The following MAN1C1 variants were observed in gnomAD, a reference collection of about 807,000 sequenced individuals.
MAN1C1 encodes the protein mannosyl-oligosaccharide 1,2-alpha-mannosidase IC.
MAN1C1 carries 49 observed loss-of-function variants against 71.5 expected under a neutral mutation model. The ratio of observed to expected loss-of-function variants is 0.69; its 90% CI spans 0.54 to 0.87. The LOEUF (loss-of-function observed/expected upper bound fraction) is 0.87. Among genes scored for constraint, MAN1C1 ranks in the 40% least tolerant of loss-of-function variants. The pLI is 0.00. For synonymous variants in MAN1C1, 352 were observed against 343.7 expected (o/e 1.02, Z -0.27); for missense variants, 743 against 835.0 (o/e 0.89, Z 1.36).
chr1:25,706,060 C>T (rs2046517246), intron 2 of MAN1C1, among the ~76,000 whole-genome samples: 1 of 152,194 alleles, frequency 6.6e-6, no homozygotes, highest in African/African-American at 2.4e-5. Flanking sequence ...TGTTTGGGGT[C>T]ACACAGCTGG....
rs2124420564 is a variant in MAN1C1 at position 25,782,475 on chromosome 1, G to C, written c.1651-110G>C. ...CAGGAGTCCCCAGCCAAGGGGTGGGGGTGCTGTCTGCTTTCTTCTAGCTCC... is the reference window on the plus strand; with the variant it reads ...CAGGAGTCCCCAGCCAAGGGGTGGGCGTGCTGTCTGCTTTCTTCTAGCTCC... On this transcript the variant is annotated intron_variant, in intron 10 of 11. Transcript: ENST00000374332. This position sits in a 1 kb window ranked among gnomAD's most constrained non-coding sequence, Gnocchi z 4.4. 3.0e-6 allele frequency: 2 copies of C among 673,566 alleles called. No individual in the cohort carries two copies. Among genetic ancestry groups the C allele is most frequent in the East Asian group, 5.5e-5 (2 of 36,696 alleles). 41.7% of individuals were successfully genotyped at this position (673,566 alleles called of 1,614,324 possible).
chr1:25,644,518 A>ATAT (rs61386117), intron 1 of MAN1C1: 18 of 40,298 alleles, frequency 4.5e-4, no homozygotes, highest in Non-Finnish European at 5.7e-4. Context: ...ATATATATAT[A>ATAT]TTTTTTTTTT....
chr1:25,624,548 T>G (rs928750915), intron 1 of MAN1C1, among the ~76,000 whole-genome samples: 6 of 152,230 alleles, frequency 3.9e-5, no homozygotes, highest in Non-Finnish European at 8.8e-5. Context: ...CCAGGGCAAT[T>G]GTCCATCTGT....
chr1:25,621,647 G>A (rs1181413247), intron 1 of MAN1C1, among the ~76,000 whole-genome samples: 5 of 151,504 alleles, frequency 3.3e-5, no homozygotes, highest in East Asian at 1.9e-4. Flanking sequence ...TTTTTAAGAC[G>A]GAGTCTTGCT....
intron 2 of MAN1C1, among the ~76,000 whole-genome samples, chr1:25,740,645 C>T (rs1313741907): frequency 6.6e-6 from 1 of 152,042 alleles, no homozygotes; most frequent in Non-Finnish European, 1.5e-5. Context: ...ACTGTGTTAG[C>T]CAGGATGGTC....
chr1:25,691,623 G>A (rs1249585744), intron 2 of MAN1C1, among the ~76,000 whole-genome samples: 1 of 152,214 alleles, frequency 6.6e-6, no homozygotes, highest in African/African-American at 2.4e-5. Context: ...TTTTGATTGG[G>A]GTGGGCGTCC....
chr1:25,663,072 T>C (rs532996620), intron 1 of MAN1C1, among the ~76,000 whole-genome samples: 15 of 150,426 alleles, frequency 1.0e-4, no homozygotes, highest in African/African-American at 3.6e-4. Context: ...GCCTGGTCAA[T>C]AGAGTGAGAC....
In MAN1C1 at chr1:25,711,482, C is replaced by A. The variant is rs115783729; in HGVS notation, c.637+24946C>A. 6.6e-6 allele frequency among the ~76,000 whole-genome samples: 1 copy of A among 152,196 alleles called. No individual in the cohort carries two copies. Among genetic ancestry groups the A allele is most frequent in the African/African-American group, 2.4e-5 (1 of 41,450 alleles). Reference sequence around the variant, plus strand: ...TCTCCTCAGGCCAAAGCTGGACATGCCTTTCCTGGGTTTGAGATAAATGGA... The same window carrying A: ...TCTCCTCAGGCCAAAGCTGGACATGACTTTCCTGGGTTTGAGATAAATGGA... On this transcript the variant is annotated intron_variant, in intron 2 of 11. Coordinates refer to ENST00000374332, the MANE Select transcript of MAN1C1 (RefSeq NM_020379.4). The surrounding 1 kb of genome is among the most constrained non-coding windows in gnomAD (Gnocchi z 4.3).
chr1:25,682,270 C>T (rs939142059), intron 1 of MAN1C1, among the ~76,000 whole-genome samples: 18 of 152,178 alleles, frequency 1.2e-4, no homozygotes, highest in African/African-American at 3.6e-4. Context: ...GCAAAGCAGG[C>T]AGACACACGT....
At chr1:25,728,864 C>T (rs2046869885) in intron 2 of MAN1C1, among the ~76,000 whole-genome samples, 1 of 152,158 alleles carries the variant, frequency 6.6e-6, no homozygotes, top group African/African-American at 2.4e-5. Context: ...GGATATTACC[C>T]TCAAATAAAG....
At position 25,778,370 on chromosome 1, in the gene MAN1C1, C is replaced by A. The variant is rs749306693; in HGVS notation, c.1477+46C>A. The A allele has an allele frequency of 1.3e-6, 2 of 1,545,798 alleles. No homozygotes were observed. The highest frequency in any genetic ancestry group is 1.8e-6 in the Non-Finnish European group (2 of 1,138,988). On this transcript the variant is annotated intron_variant, in intron 9 of 11. Transcript: ENST00000374332. This position sits in a 1 kb window ranked among gnomAD's most constrained non-coding sequence, Gnocchi z 5.5. ...GGCAGCAGGAGAGACTGAGGCTAGA[C>A]ACCAGGAAGAACTGGAAAGACCGGC...
chr1:25,651,093 A>G (rs891786451), intron 1 of MAN1C1, among the ~76,000 whole-genome samples: 3 of 152,152 alleles, frequency 2.0e-5, no homozygotes, highest in Non-Finnish European at 4.4e-5. Flanking sequence ...AACACTCACA[A>G]TAGGGGCCGC....
intron 1 of MAN1C1, among the ~76,000 whole-genome samples, chr1:25,629,330 A>G (rs968146727): frequency 4.6e-5 from 7 of 152,044 alleles, no homozygotes; most frequent in South Asian, 2.1e-4. Context: ...TTGTGGTTTT[A>G]ATTTGCATTT....
chr1:25,663,134 ATTAT>A (rs1278809962), intron 1 of MAN1C1, among the ~76,000 whole-genome samples: 2 of 148,018 alleles, frequency 1.4e-5, no homozygotes, highest in Non-Finnish European at 3.0e-5. Context: ...ATTTATTTAT[ATTAT>A]TTATTTTAAA....
intron 1 of MAN1C1, among the ~76,000 whole-genome samples, chr1:25,643,966 G>A (rs376912646): frequency 1.3e-5 from 2 of 152,146 alleles, no homozygotes; most frequent in African/African-American, 2.4e-5. Flanking sequence ...GAACTGATAC[G>A]CAGTGAGAGG....
chr1:25,664,085 C>G (rs1218574122), intron 1 of MAN1C1, among the ~76,000 whole-genome samples: 1 of 152,134 alleles, frequency 6.6e-6, no homozygotes, highest in Non-Finnish European at 1.5e-5. Flanking sequence ...AGGCTGCATT[C>G]CCCATAGAGA....
intron 2 of MAN1C1, among the ~76,000 whole-genome samples, chr1:25,737,045 A>G (rs2046992154): frequency 6.6e-6 from 1 of 152,172 alleles, no homozygotes; most frequent in Non-Finnish European, 1.5e-5. Flanking sequence ...TGGAGATATC[A>G]CTCCAGAATT....
At chr1:25,701,725 C>G (rs189452290) in intron 2 of MAN1C1, among the ~76,000 whole-genome samples, 1 of 152,346 alleles carries the variant, frequency 6.6e-6, no homozygotes, top group East Asian at 1.9e-4. Context: ...TGACCCTATT[C>G]ATCTTCACCC....
intron 2 of MAN1C1, among the ~76,000 whole-genome samples, chr1:25,722,446 T>C (rs1335351485): frequency 6.6e-6 from 1 of 152,272 alleles, no homozygotes; most frequent in Non-Finnish European, 1.5e-5. Flanking sequence ...TTCTGTTTTC[T>C]ATCTGTCTCT....
Sources: gnomAD v4.1 joint callset for allele counts (sites outside exome capture counted in the v4.1 genomes callset) on GRCh38, gnomAD v4.1.1 for gene constraint, Gnocchi (gnomAD v3.1) non-coding constraint, MANE v1.5 for transcripts, NCBI Gene and HGNC (gene_info 2026-07-23, HGNC 2026-07-21) for gene names.